SOX5: variants seen among roughly 807,000 people sequenced by gnomAD.
The protein encoded by SOX5 is transcription factor SOX-5.
In SOX5, 9 loss-of-function variants were observed where a neutral mutation model predicts 92.0. The ratio of observed to expected loss-of-function variants is 0.10; its 90% CI spans 0.06 to 0.17. SOX5 has a LOEUF of 0.17. Ranked by LOEUF, SOX5 falls within the 10% of genes least tolerant of loss-of-function variation. The probability of loss-of-function intolerance (pLI) is 1.00; values close to 1 mark genes in which losing one functional copy is unlikely to be tolerated. For missense variants in SOX5, 642 were observed against 944.5 expected, an observed-to-expected ratio of 0.68 and a Z score of 4.20; for synonymous variants, 344 against 336.3, an observed-to-expected ratio of 1.02 and a Z score of -0.25.
chr12:24,195,698 A>G (rs963152217), intron 4 of SOX5, among the ~76,000 whole-genome samples: 1 of 152,186 alleles, frequency 6.6e-6, no homozygotes, highest in Non-Finnish European at 1.5e-5. Context: ...AGCTAAGTCA[A>G]ATTTGAGAAG....
At chr12:23,649,328 G>C (rs16926509) in intron 7 of SOX5, among the ~76,000 whole-genome samples, 2 of 151,796 alleles carry the variant, frequency 1.3e-5, no homozygotes, top group South Asian at 4.1e-4. Flanking sequence ...ATCTATTTGC[G>C]CCATTCCTCA....
intron 4 of SOX5, among the ~76,000 whole-genome samples, chr12:23,999,480 A>G (rs1951386201): frequency 1.3e-5 from 2 of 152,130 alleles, no homozygotes; most frequent in Non-Finnish European, 2.9e-5. Context: ...AAGGGTAATA[A>G]TCTGAGGTGA....
intron 1 of SOX5, among the ~76,000 whole-genome samples, chr12:23,898,746 C>A (rs932957455): frequency 6.6e-6 from 1 of 152,224 alleles, no homozygotes; most frequent in African/African-American, 2.4e-5. Context: ...CGGAAGGCAA[C>A]TGATCCTAGA....
chr12:24,435,048 C>A (rs550826375), intron 1 of SOX5, among the ~76,000 whole-genome samples: 3 of 152,184 alleles, frequency 2.0e-5, no homozygotes, highest in Non-Finnish European at 4.4e-5. Context: ...TGAAAACAAC[C>A]ACTTCTGCCA....
At chr12:23,740,759 G>T in intron 5 of SOX5, 108 bp downstream of exon 5, 2 of 906,364 alleles carry the variant, frequency 2.2e-6, no homozygotes, top group Non-Finnish European at 1.6e-6. Flanking sequence ...TTTAACTGGG[G>T]AGGTGGAAGG....
intron 4 of SOX5, among the ~76,000 whole-genome samples, chr12:23,960,491 T>A (rs1005036494): frequency 8.2e-5 from 11 of 133,978 alleles, no homozygotes; most frequent in African/African-American, 1.7e-4. Context: ...TTATATATAT[T>A]TATATACATA....
Position 24,506,418 on chromosome 12 carries a change from A to AAAGAG in SOX5, c.-251+55910_-251+55911insCTCTT, listed in dbSNP as rs1555328067. Among the ~76,000 whole-genome samples, 1,002 of 146,794 alleles carry AAAGAG rather than the reference A, an allele frequency of 6.8e-3. 5 individuals carry two copies. The highest frequency in any genetic ancestry group is 0.023 in the Admixed American group (334 of 14,800). ...GCACATAAATTTACAAAAAAAAAAA[A>AAAGAG]AGAGAGAGAGAGATGCAATAATGAT... On this transcript the variant is annotated intron_variant, in intron 1 of 4. Coordinates refer to the SOX5 transcript ENST00000446891.
chr12:23,906,723 T>C (rs948357284), intron 1 of SOX5, among the ~76,000 whole-genome samples: 3 of 152,172 alleles, frequency 2.0e-5, no homozygotes, highest in Non-Finnish European at 4.4e-5. Context: ...ATTAATAATA[T>C]GAAGTACTAA....
At chr12:24,148,481 CAAAAAA>C (rs34951170) in intron 4 of SOX5, among the ~76,000 whole-genome samples, 1 of 53,592 alleles carries the variant, frequency 1.9e-5, no homozygotes, top group African/African-American at 7.9e-5. Context: ...GGCTCCATGT[CAAAAAA>C]AAAAAAAAAA....
intron 4 of SOX5, among the ~76,000 whole-genome samples, chr12:24,154,673 A>G (rs1348045109): frequency 1.3e-5 from 2 of 152,172 alleles, no homozygotes; most frequent in Admixed American, 6.6e-5. Flanking sequence ...TGAAAAGGGC[A>G]GGATATAAAA....
chr12:24,428,740 A>AAAAAAAAAAAAAAAAAAC, intron 1 of SOX5, among the ~76,000 whole-genome samples: 1 of 147,132 alleles, frequency 6.8e-6, no homozygotes, highest in Non-Finnish European at 1.5e-5. Flanking sequence ...AAAAAAAAAA[A>AAAAAAAAAAAAAAAAAAC]AAAAAAAAAA....
At chr12:24,362,414 T>G (rs1375578913) in intron 2 of SOX5, among the ~76,000 whole-genome samples, 1 of 152,216 alleles carries the variant, frequency 6.6e-6, no homozygotes, top group African/African-American at 2.4e-5. Flanking sequence ...AAATTACTGG[T>G]CTTGTATTTT....
intron 4 of SOX5, among the ~76,000 whole-genome samples, chr12:24,020,573 C>T (rs78682270): frequency 2.9e-4 from 44 of 152,284 alleles, no homozygotes; most frequent in African/African-American, 1.0e-3. Flanking sequence ...AAGACACAAG[C>T]TGCGGAGCTG....
At chr12:24,200,152 C>T (rs1207425933) in intron 4 of SOX5, among the ~76,000 whole-genome samples, 3 of 152,126 alleles carry the variant, frequency 2.0e-5, no homozygotes, top group Non-Finnish European at 2.9e-5. Flanking sequence ...AGGCACTATG[C>T]CATAGTGAAA....
chr12:24,208,560 C>A (rs912800590), intron 4 of SOX5, among the ~76,000 whole-genome samples: 1 of 152,168 alleles, frequency 6.6e-6, no homozygotes, highest in Non-Finnish European at 1.5e-5. Flanking sequence ...CCTTTAAAGC[C>A]CAGCTCAAAT....
At chr12:23,699,230 A>G (rs1425444483) in intron 6 of SOX5, among the ~76,000 whole-genome samples, 1 of 152,144 alleles carries the variant, frequency 6.6e-6, no homozygotes, top group Non-Finnish European at 1.5e-5. Flanking sequence ...ACTCAGAGAG[A>G]CTGCCAAGTT....
At chr12:24,071,688 C>T (rs1221368518) in intron 4 of SOX5, among the ~76,000 whole-genome samples, 1 of 152,162 alleles carries the variant, frequency 6.6e-6, no homozygotes, top group Admixed American at 6.5e-5. Context: ...CCTGCCTCTG[C>T]CTCCCAAAGT....
intron 4 of SOX5, among the ~76,000 whole-genome samples, chr12:24,054,967 G>GA (rs1375027072): frequency 6.6e-6 from 1 of 152,026 alleles, no homozygotes; most frequent in African/African-American, 2.4e-5. Flanking sequence ...GGGAATGGGG[G>GA]AGAGATTTTT....
chr12:24,173,660 T>C (rs190049938), intron 4 of SOX5, among the ~76,000 whole-genome samples: 7 of 152,216 alleles, frequency 4.6e-5, no homozygotes, highest in East Asian at 1.9e-4. Flanking sequence ...AGGAGTTCAG[T>C]AGTTGCTGGG....
Sources: gnomAD v4.1 joint callset for allele counts (sites outside exome capture counted in the v4.1 genomes callset) on GRCh38, gnomAD v4.1.1 for gene constraint, MANE v1.5 for transcripts, NCBI Gene and HGNC (gene_info 2026-07-23, HGNC 2026-07-21) for gene names.